Variants in CCSER1 observed in about 807,000 individuals in gnomAD.
The protein encoded by CCSER1 is serine-rich coiled-coil domain-containing protein 1.
CCSER1 carries 41 observed loss-of-function variants against 82.0 expected under a neutral mutation model. That is an observed-to-expected ratio of 0.50 (90% CI 0.39 to 0.65). The LOEUF is 0.65. CCSER1 is among the 30% of genes least tolerant of loss of function. The pLI, the probability that CCSER1 is intolerant of heterozygous loss-of-function variation, is 0.00. For missense variants in CCSER1, 1,119 were observed against 1,064.2 expected (o/e 1.05, Z -0.72); for synonymous variants, 414 against 383.9 (o/e 1.08, Z -0.92).
At chr4:91,531,530 G>A (rs888175858) in intron 10 of CCSER1, among the ~76,000 whole-genome samples, 3 of 152,146 alleles carry the variant, frequency 2.0e-5, no homozygotes, top group Non-Finnish European at 4.4e-5. Context: ...TCAATGAAAA[G>A]GGAAAGTGTT....
chr4:91,526,798 G>A (rs914423764), intron 10 of CCSER1, among the ~76,000 whole-genome samples: 26 of 151,998 alleles, frequency 1.7e-4, no homozygotes, highest in Admixed American at 3.3e-4. Flanking sequence ...TCACCATGTT[G>A]GCCAGGGTGA....
chr4:91,057,352 T>C (rs890223411), intron 9 of CCSER1, among the ~76,000 whole-genome samples: 1 of 152,208 alleles, frequency 6.6e-6, no homozygotes, highest in African/African-American at 2.4e-5. Flanking sequence ...TCTCTCAGTG[T>C]AATTGTTGTC....
rs574525641 is a variant in CCSER1, at chr4:90,995,467, C to T, written c.2172+72020C>T. ...TTTAGCCCATAGTAATTACATCTTC[C>T]TGTAGAGATTCTGGTAATTATGTTT... On this transcript the variant is annotated intron_variant, in intron 9 of 10. Coordinates refer to ENST00000509176, the MANE Select transcript of CCSER1 (RefSeq NM_001145065.2). Among the ~76,000 whole-genome samples, 516 of 152,012 alleles carry T rather than the reference C, an allele frequency of 3.4e-3. 1 individual carries two copies. The highest frequency in any genetic ancestry group is 5.2e-3 in the Non-Finnish European group (356 of 67,952).
intron 7 of CCSER1, among the ~76,000 whole-genome samples, chr4:90,734,079 C>T (rs2149414719): frequency 6.6e-6 from 1 of 151,636 alleles, no homozygotes; most frequent in African/African-American, 2.4e-5. Flanking sequence ...TCAATTTAAT[C>T]TATAGATTGC....
At position 91,263,111 on chromosome 4, in the gene CCSER1, T is replaced by G. The variant is rs543066061; in HGVS notation, c.2217+177117T>G. Among the ~76,000 whole-genome samples the G allele has an allele frequency of 8.3e-3, 1,256 of 152,150 alleles. 22 individuals carry two copies. Among genetic ancestry groups the G allele is most frequent in the African/African-American group, 0.029 (1,193 of 41,538 alleles). Reference sequence around the variant, plus strand: ...CTGAAACATGCATATATATGACAACTGTTTATGTGTGTATAGTTAAATTTG... The same window carrying G: ...CTGAAACATGCATATATATGACAACGGTTTATGTGTGTATAGTTAAATTTG... On this transcript the variant is annotated intron_variant, in intron 10 of 10. Transcript: ENST00000509176.
intron 10 of CCSER1, among the ~76,000 whole-genome samples, chr4:91,255,917 G>A (rs188997305): frequency 1.3e-5 from 2 of 152,224 alleles, no homozygotes; most frequent in East Asian, 3.9e-4. Context: ...AAGCATGTGT[G>A]TTTGAACAAT....
chr4:90,890,934 ATGAG>A (rs1722868989), intron 8 of CCSER1, among the ~76,000 whole-genome samples: 1 of 152,152 alleles, frequency 6.6e-6, no homozygotes, highest in Non-Finnish European at 1.5e-5. Context: ...TATAATCTGT[ATGAG>A]TAAAACAAGT....
At chr4:90,157,452 A>G (rs1283115383) in intron 1 of CCSER1, among the ~76,000 whole-genome samples, 1 of 152,174 alleles carries the variant, frequency 6.6e-6, no homozygotes, top group African/African-American at 2.4e-5. Flanking sequence ...TCTCCTGGAT[A>G]ATATCCTGAA....
intron 10 of CCSER1, among the ~76,000 whole-genome samples, chr4:91,128,963 C>T (rs559811388): frequency 2.3e-4 from 35 of 152,132 alleles, no homozygotes; most frequent in South Asian, 8.3e-4. Context: ...CATTATCTCA[C>T]GTAACAAGAA....
At chr4:90,330,128 T>G (rs1387600415) in intron 3 of CCSER1, among the ~76,000 whole-genome samples, 1 of 152,154 alleles carries the variant, frequency 6.6e-6, no homozygotes, top group Non-Finnish European at 1.5e-5. Context: ...TCTCTAATCT[T>G]TTGTGAGAGA....
At chr4:90,549,903 A>G (rs948679122) in intron 5 of CCSER1, among the ~76,000 whole-genome samples, 5 of 152,118 alleles carry the variant, frequency 3.3e-5, no homozygotes, top group African/African-American at 1.2e-4. Flanking sequence ...TTAAACAATT[A>G]TATTGAATAA....
At chr4:90,830,225 T>A (rs1300391459) in intron 8 of CCSER1, among the ~76,000 whole-genome samples, 2 of 152,218 alleles carry the variant, frequency 1.3e-5, no homozygotes, top group African/African-American at 4.8e-5. Flanking sequence ...TCATACTATG[T>A]GTCAATATTA....
chr4:91,023,463 A>G (rs1740197300), intron 9 of CCSER1, among the ~76,000 whole-genome samples: 1 of 152,222 alleles, frequency 6.6e-6, no homozygotes, highest in African/African-American at 2.4e-5. Flanking sequence ...ACAGAGATAT[A>G]GATCAATGGG....
chr4:90,353,149 C>T (rs1274849522), intron 3 of CCSER1, among the ~76,000 whole-genome samples: 2 of 152,058 alleles, frequency 1.3e-5, no homozygotes, highest in Non-Finnish European at 2.9e-5. Flanking sequence ...TCTTAAATCT[C>T]GAGTATAACT....
At chr4:91,164,784 G>A (rs1449326740) in intron 10 of CCSER1, among the ~76,000 whole-genome samples, 1 of 152,076 alleles carries the variant, frequency 6.6e-6, no homozygotes, top group Non-Finnish European at 1.5e-5. Flanking sequence ...GCTCCATCAG[G>A]TCATTTAAGG....
At chr4:90,436,640 G>C (rs2153569843) in intron 4 of CCSER1, among the ~76,000 whole-genome samples, 1 of 152,046 alleles carries the variant, frequency 6.6e-6, no homozygotes, top group Non-Finnish European at 1.5e-5. Flanking sequence ...TTTTCTTTTA[G>C]TCTACTATGT....
intron 10 of CCSER1, among the ~76,000 whole-genome samples, chr4:91,221,347 C>T (rs968002679): frequency 6.6e-6 from 1 of 151,972 alleles, no homozygotes; most frequent in Non-Finnish European, 1.5e-5. Flanking sequence ...TCATGAATTT[C>T]CTTATTGAAA....
intron 10 of CCSER1, among the ~76,000 whole-genome samples, chr4:91,237,329 T>G (rs528723601): frequency 1.3e-5 from 2 of 151,472 alleles, no homozygotes; most frequent in African/African-American, 4.8e-5. Context: ...TATTACTTAT[T>G]TATCTCAAAA....
chr4:90,338,507 G>A (rs1740821369), intron 3 of CCSER1, among the ~76,000 whole-genome samples: 1 of 152,132 alleles, frequency 6.6e-6, no homozygotes, highest in African/African-American at 2.4e-5. Context: ...CTTCTGTTGT[G>A]AAACAAAGAT....
Sources: allele counts gnomAD v4.1 joint callset (sites outside exome capture counted in the v4.1 genomes callset), GRCh38; gene constraint gnomAD v4.1.1; transcripts MANE v1.5; gene names NCBI Gene and HGNC (gene_info 2026-07-23, HGNC 2026-07-21).